The following FAM149B1 variants were observed in gnomAD, a reference collection of about 807,000 sequenced individuals.
The protein encoded by FAM149B1 is primary cilium assembly protein FAM149B1.
A neutral mutation model predicts 75.3 loss-of-function variants in FAM149B1; 56 were observed. The observed-to-expected ratio is 0.74, with a 90% confidence interval of 0.60 to 0.93. The LOEUF (loss-of-function observed/expected upper bound fraction) is 0.93. Among genes scored for constraint, FAM149B1 ranks in the 40% least tolerant of loss-of-function variants. The probability of loss-of-function intolerance (pLI) is 0.00; values close to 1 mark genes in which losing one functional copy is unlikely to be tolerated. For missense variants in FAM149B1, 639 were observed against 708.4 expected (o/e 0.90, Z 1.11); for synonymous variants, 259 against 256.1 (o/e 1.01, Z -0.11).
intron 5 of FAM149B1, among the ~76,000 whole-genome samples, chr10:73,203,452 A>G (rs989685908): frequency 3.7e-4 from 56 of 152,296 alleles, no homozygotes; most frequent in African/African-American, 1.3e-3. Flanking sequence ...TTATGAAATT[A>G]TACATTTTGT....
intron 5 of FAM149B1, among the ~76,000 whole-genome samples, chr10:73,207,056 G>A (rs1305168468): frequency 6.6e-6 from 1 of 152,198 alleles, no homozygotes; most frequent in East Asian, 1.9e-4. Flanking sequence ...TTCAGAGGAT[G>A]TAAGAGAAAG....
chr10:73,225,019 C>T (rs928671264), intron 7 of FAM149B1, among the ~76,000 whole-genome samples: 6 of 152,144 alleles, frequency 3.9e-5, no homozygotes, highest in Non-Finnish European at 7.4e-5. Flanking sequence ...TTGTAGTTGT[C>T]GTAAAGTCAA....
chr10:73,202,909 C>T (rs2042973869), intron 5 of FAM149B1, among the ~76,000 whole-genome samples: 1 of 152,070 alleles, frequency 6.6e-6, no homozygotes, highest in Admixed American at 6.6e-5. Flanking sequence ...GGCTGAGCTT[C>T]TCTCATCTCT....
rs1843869756 is a variant in FAM149B1, at chr10:73,174,717, T to G, written c.78T>G (p.His26Gln). The change falls in exon 2 of 14, where the codon CAT becomes CAG. Residue 26 changes from histidine to glutamine, a missense_variant. Transcript: ENST00000242505. ...GAATAACAAAACATGCTCTTAACCA[T>G]CATCCCCCTCCAGAGAAGCTGGAGG... ...LKGITKHALNHHPPPEKLEEI... is the reference protein window; with the variant it reads ...LKGITKHALNQHPPPEKLEEI... The G allele has an allele frequency of 1.3e-6, 2 of 1,551,304 alleles. No homozygotes were observed. Among genetic ancestry groups the G allele is most frequent in the East Asian group, 4.9e-5 (2 of 40,908 alleles).
intron 6 of FAM149B1, 99 bp from the exon 7 acceptor site, chr10:73,210,152 C>T: frequency 1.4e-5 from 10 of 738,648 alleles, no homozygotes; most frequent in East Asian, 5.9e-5. Context: ...TCCATTTTTC[C>T]TCAAATCAAA....
intron 12 of FAM149B1, among the ~76,000 whole-genome samples, chr10:73,236,881 A>T (rs868036962): frequency 1.3e-5 from 2 of 151,104 alleles, no homozygotes; most frequent in African/African-American, 2.4e-5. Flanking sequence ...ATGCCCTGCT[A>T]ATTTTTTTAT....
intron 12 of FAM149B1, among the ~76,000 whole-genome samples, chr10:73,235,753 C>T (rs7912096): frequency 0.1 from 15,956 of 152,100 alleles, 1,214 homozygotes; most frequent in East Asian, 0.31. Context: ...CAGACTAGAC[C>T]TGGAACTCCT....
chr10:73,180,483 CTAAA>C (rs1037352715), intron 3 of FAM149B1, among the ~76,000 whole-genome samples: 1 of 152,180 alleles, frequency 6.6e-6, no homozygotes, highest in African/African-American at 2.4e-5. Context: ...AGTATACTGA[CTAAA>C]TATTTCCATT....
intron 9 of FAM149B1, 112 bp from the exon 10 acceptor site, chr10:73,232,827 C>A: frequency 1.5e-6 from 1 of 653,832 alleles, no homozygotes; most frequent in Non-Finnish European, 2.7e-6. Flanking sequence ...TTTATTTTTG[C>A]TTTATTTCCC....
intron 3 of FAM149B1, among the ~76,000 whole-genome samples, chr10:73,188,749 G>A: frequency 9.9e-6 from 1 of 101,502 alleles, no homozygotes. Flanking sequence ...AAAAAAGGAA[G>A]GAAGGAGGGA....
At chr10:73,231,789 C>T (rs1053250672) in intron 9 of FAM149B1, among the ~76,000 whole-genome samples, 1 of 151,976 alleles carries the variant, frequency 6.6e-6, no homozygotes, top group Non-Finnish European at 1.5e-5. Flanking sequence ...TGGAAGAGGT[C>T]GGATCTAGAG....
At chr10:73,177,666 A>C (rs1844029652) in intron 2 of FAM149B1, among the ~76,000 whole-genome samples, 180 bp from the exon 3 acceptor site, 1 of 141,396 alleles carries the variant, frequency 7.1e-6, no homozygotes, top group Non-Finnish European at 1.5e-5. Flanking sequence ...TCAATTCTGT[A>C]GGAATTAGGA....
intron 5 of FAM149B1, among the ~76,000 whole-genome samples, chr10:73,206,872 G>T (rs565738447): frequency 6.6e-6 from 1 of 152,096 alleles, no homozygotes; most frequent in African/African-American, 2.4e-5. Context: ...CTGAGATCAC[G>T]CCACTGCAGT....
At chr10:73,173,416 G>A (rs973082496) in intron 1 of FAM149B1, among the ~76,000 whole-genome samples, 7 of 146,722 alleles carry the variant, frequency 4.8e-5, no homozygotes, top group Admixed American at 6.6e-5. Flanking sequence ...CTGCAAATAC[G>A]ACTATAAATC....
At chr10:73,201,076 AT>A in intron 5 of FAM149B1, 1 of 279,614 alleles carries the variant, frequency 3.6e-6, no homozygotes, top group South Asian at 4.7e-5. Flanking sequence ...TGAAAACTGT[AT>A]TCGCAGAATT....
intron 13 of FAM149B1, 149 bp downstream of exon 13, chr10:73,239,533 T>A (rs2043896194): frequency 1.7e-6 from 1 of 602,340 alleles, no homozygotes; most frequent in Non-Finnish European, 2.8e-6. Context: ...TAAAATTCAT[T>A]TTGGAACATG....
rs1309732116 is a variant in FAM149B1, at chr10:73,168,530, C to T, written c.47+144C>T. 3 of 979,870 alleles carry T rather than the reference C, an allele frequency of 3.1e-6. No homozygotes were observed. In the East Asian group the frequency reaches 8.9e-5, roughly 29 times the overall value. The allele number at this position is 979,870 out of a possible 1,614,324, so 60.7% of individuals were successfully genotyped here. On this transcript the variant is annotated intron_variant, in intron 1 of 13. Coordinates refer to ENST00000242505, the MANE Select transcript of FAM149B1 (RefSeq NM_173348.2). ...TTCTCTCCTCTCAGCCCTGCTGGAC[C>T]CTGCCCCTTCTTCCTCCATCTCCAG...
Position 73,177,830 on chromosome 10 carries a change from C to A in FAM149B1, c.153-16C>A. The A allele has an allele frequency of 6.5e-7, 1 of 1,538,166 alleles. No individual in the cohort carries two copies. Among genetic ancestry groups the A allele is most frequent in the South Asian group, 1.2e-5 (1 of 83,756 alleles). On this transcript the variant is annotated splice_polypyrimidine_tract_variant and intron_variant, in intron 2 of 13. Coordinates refer to ENST00000242505, the MANE Select transcript of FAM149B1 (RefSeq NM_173348.2). ...AATTTTCTTTTTTCTCTCCTCCTCC[C>A]AAATTGTGCCTTTAGCAAGTCTGAC... is the stretch of plus-strand genomic sequence containing the variant.
At chr10:73,176,270 C>T (rs888702042) in intron 2 of FAM149B1, among the ~76,000 whole-genome samples, 6 of 152,044 alleles carry the variant, frequency 3.9e-5, no homozygotes, top group Admixed American at 6.6e-5. Flanking sequence ...GGTGGTAATG[C>T]GAGCCATGGG....
Sources: allele counts gnomAD v4.1 joint callset (sites outside exome capture counted in the v4.1 genomes callset), GRCh38; gene constraint gnomAD v4.1.1; transcripts MANE v1.5; gene names NCBI Gene and HGNC (gene_info 2026-07-23, HGNC 2026-07-21).